The following STK3 variants were observed in gnomAD, a reference collection of about 807,000 sequenced individuals.
STK3 encodes the protein serine/threonine kinase 3.
Under a neutral mutation model 58.0 loss-of-function variants are expected in STK3, and 41 were observed. The observed-to-expected ratio is 0.71, with a 90% CI of 0.55 to 0.92. STK3 has a LOEUF of 0.92. STK3 is among the 40% of genes least tolerant of loss of function. The pLI, the probability that STK3 is intolerant of heterozygous loss-of-function variation, is 0.00. For synonymous variants in STK3, 170 were observed against 191.0 expected (o/e 0.89, Z 0.91); for missense variants, 479 against 602.7 (o/e 0.79, Z 2.15).
chr8:98,367,121 G>T (rs145479283), downstream of STK3, among the ~76,000 whole-genome samples: 1 of 152,132 alleles, frequency 6.6e-6, no homozygotes, highest in East Asian at 1.9e-4. Flanking sequence ...TGTAAAATGG[G>T]GATATTCATC....
intron 6 of STK3, among the ~76,000 whole-genome samples, chr8:98,664,322 A>G (rs890919829): frequency 3.9e-5 from 6 of 152,216 alleles, no homozygotes; most frequent in African/African-American, 1.4e-4. Flanking sequence ...AATATGAGTG[A>G]TCAGATGCTA....
chr8:98,706,340 A>G (rs1825960333), intron 6 of STK3, 127 bp downstream of exon 6: 1 of 994,334 alleles, frequency 1.0e-6, no homozygotes, highest in South Asian at 2.3e-5. Flanking sequence ...TTTAAGAGGT[A>G]ATTTTACCAT....
intron 1 of STK3, among the ~76,000 whole-genome samples, chr8:98,912,339 C>T (rs1480151008): frequency 6.6e-6 from 1 of 151,992 alleles, no homozygotes; most frequent in African/African-American, 2.4e-5. Flanking sequence ...GATCGCGCCA[C>T]TGCACTCCAG....
chr8:98,548,872 G>A (rs1456252725), intron 8 of STK3, among the ~76,000 whole-genome samples: 1 of 151,994 alleles, frequency 6.6e-6, no homozygotes, highest in Non-Finnish European at 1.5e-5. Context: ...TCATGTAAGT[G>A]GAATCATACA....
chr8:98,678,071 T>C (rs1002720226), intron 6 of STK3, among the ~76,000 whole-genome samples: 5 of 152,236 alleles, frequency 3.3e-5, no homozygotes, highest in Admixed American at 6.5e-5. Flanking sequence ...ATTGTACTGA[T>C]AGAAGGAAGT....
intron 1 of STK3, among the ~76,000 whole-genome samples, chr8:98,815,145 G>A (rs539636838): frequency 3.5e-4 from 53 of 152,304 alleles, no homozygotes; most frequent in Non-Finnish European, 6.3e-4. Context: ...GAGCAAATAG[G>A]AAGAACATAA....
intron 1 of STK3, among the ~76,000 whole-genome samples, chr8:98,935,410 C>G (rs1391301196): frequency 6.6e-6 from 1 of 152,204 alleles, no homozygotes; most frequent in Non-Finnish European, 1.5e-5. Context: ...CTGATACACA[C>G]AGCTCAATTG....
At chr8:98,758,305 C>A (rs1408178773) in intron 3 of STK3, among the ~76,000 whole-genome samples, 1 of 152,146 alleles carries the variant, frequency 6.6e-6, no homozygotes, top group East Asian at 1.9e-4. Flanking sequence ...TTCTACGAGG[C>A]CAGCATCATT....
chr8:98,447,797 GATGA>G (rs988773268), intron 1 of STK3, among the ~76,000 whole-genome samples: 18 of 148,334 alleles, frequency 1.2e-4, no homozygotes, highest in Non-Finnish European at 2.2e-4. Flanking sequence ...CATTGCTGTG[GATGA>G]ATGTCAGGGA....
intron 3 of STK3, among the ~76,000 whole-genome samples, chr8:98,865,185 G>A (rs1271700517): frequency 1.3e-5 from 2 of 152,182 alleles, no homozygotes; most frequent in South Asian, 2.1e-4. Flanking sequence ...GAGACCAGGA[G>A]TTCAGGACCA....
intron 1 of STK3, among the ~76,000 whole-genome samples, chr8:98,913,146 A>G (rs1165611352): frequency 6.6e-6 from 1 of 151,280 alleles, no homozygotes; most frequent in Non-Finnish European, 1.5e-5. Context: ...AAAAAAAATC[A>G]TTAAGCAGAG....
chr8:98,497,959 T>C (rs1404075310), intron 10 of STK3, among the ~76,000 whole-genome samples: 5 of 152,160 alleles, frequency 3.3e-5, no homozygotes, highest in Admixed American at 6.6e-5. Context: ...AGGAAAACGA[T>C]GTCCACACAA....
intron 6 of STK3, among the ~76,000 whole-genome samples, chr8:98,650,377 G>A (rs942553399): frequency 6.6e-6 from 1 of 152,250 alleles, no homozygotes; most frequent in African/African-American, 2.4e-5. Context: ...GACCGAATAG[G>A]AACAACTCTG....
At chr8:98,565,272 T>C (rs1418534034) in intron 8 of STK3, among the ~76,000 whole-genome samples, 1 of 152,150 alleles carries the variant, frequency 6.6e-6, no homozygotes, top group Non-Finnish European at 1.5e-5. Context: ...GCATTGTTTT[T>C]TGTTTGCTTT....
At chr8:98,688,999 T>C (rs970409995) in intron 6 of STK3, among the ~76,000 whole-genome samples, 2 of 152,034 alleles carry the variant, frequency 1.3e-5, no homozygotes, top group African/African-American at 4.8e-5. Flanking sequence ...TGAATGAAAC[T>C]GACAGACTGC....
intron 1 of STK3, among the ~76,000 whole-genome samples, chr8:98,810,629 G>A (rs952500384): frequency 6.6e-6 from 1 of 152,076 alleles, no homozygotes; most frequent in African/African-American, 2.4e-5. Flanking sequence ...TTGTTTTGGA[G>A]AAAAGCTTTT....
intron 8 of STK3, among the ~76,000 whole-genome samples, chr8:98,570,441 C>A (rs547833868): frequency 7.2e-5 from 11 of 151,932 alleles, no homozygotes; most frequent in South Asian, 6.2e-4. Flanking sequence ...GTGCCTGGCC[C>A]AAATATATTT....
At chr8:98,699,416 C>A (rs1236797849) in intron 6 of STK3, among the ~76,000 whole-genome samples, 1 of 152,188 alleles carries the variant, frequency 6.6e-6, no homozygotes, top group African/African-American at 2.4e-5. Context: ...GAGCTGCGTT[C>A]CTTTGGAGGA....
intron 10 of STK3, among the ~76,000 whole-genome samples, chr8:98,492,314 C>A (rs1279112229): frequency 6.6e-6 from 1 of 152,116 alleles, no homozygotes; most frequent in Non-Finnish European, 1.5e-5. Context: ...TGATTTACTC[C>A]AAAAGGATCT....
Sources: gnomAD v4.1 joint callset for allele counts (sites outside exome capture counted in the v4.1 genomes callset) on GRCh38, gnomAD v4.1.1 for gene constraint, MANE v1.5 for transcripts, NCBI Gene and HGNC (gene_info 2026-07-23, HGNC 2026-07-21) for gene names.